Variants in MCF2L observed in about 807,000 individuals in gnomAD.
MCF2L encodes MCF.2 cell line derived transforming sequence like.
MCF2L carries 97 observed loss-of-function variants against 153.4 expected under a neutral mutation model. The ratio of observed to expected loss-of-function variants is 0.63; its 90% CI spans 0.54 to 0.75. The LOEUF is 0.75. Ranked by LOEUF, MCF2L falls within the 30% of genes least tolerant of loss-of-function variation. MCF2L has a pLI of 0.00. For synonymous variants in MCF2L, 659 were observed against 632.2 expected, an observed-to-expected ratio of 1.04 and a Z score of -0.64; for missense variants, 1,347 against 1,495.2, an observed-to-expected ratio of 0.90 and a Z score of 1.64.
In MCF2L at chr13:112,953,890, C is replaced by A. The variant is rs569555581; in HGVS notation, c.169+51519C>A. On this transcript the variant is annotated intron_variant, in intron 2 of 29. Transcript: ENST00000375608. ...CTGCCAGGGCCCTGCTGTGGGCACT[C>A]GCTGCCTCACCTCTCCTCCCCCTGC... 7.1e-4 allele frequency among the ~76,000 whole-genome samples: 108 copies of A among 152,314 alleles called. 1 individual carries two copies. The highest frequency in any genetic ancestry group is 5.2e-4 in the Admixed American group (8 of 15,300).
chr13:112,940,407 G>A (rs562660227), intron 2 of MCF2L, among the ~76,000 whole-genome samples: 1 of 152,330 alleles, frequency 6.6e-6, no homozygotes, highest in Admixed American at 6.5e-5. Context: ...AATTCCGGGG[G>A]CGCCAGGCAA....
intron 2 of MCF2L, chr13:112,909,139 C>A (rs185347886): frequency 1.3e-6 from 1 of 750,514 alleles, no homozygotes; most frequent in Non-Finnish European, 2.5e-6. Context: ...TCCTGCTTGC[C>A]TCATCCGCTT....
At chr13:112,976,880 C>T (rs2140874791) in intron 1 of MCF2L, among the ~76,000 whole-genome samples, 1 of 152,298 alleles carries the variant, frequency 6.6e-6, no homozygotes, top group Non-Finnish European at 1.5e-5. Flanking sequence ...TTGGGGTCGC[C>T]CAGTCGGACA....
At position 112,980,007 on chromosome 13, in the gene MCF2L, G is replaced by A. The variant is rs552992517; in HGVS notation, c.79+10549G>A. On this transcript the variant is annotated intron_variant, in intron 1 of 29. Transcript: ENST00000535094. Reference sequence around the variant, plus strand: ...CTGCAGTTCTGGAACCTGGGCTTACGAATTTCCGCTCCGATTGGAAAGACG... The same window carrying A: ...CTGCAGTTCTGGAACCTGGGCTTACAAATTTCCGCTCCGATTGGAAAGACG... 7.2e-5 allele frequency among the ~76,000 whole-genome samples: 11 copies of A among 152,314 alleles called. No individual in the cohort carries two copies. The South Asian group carries it at 1.5e-3, about 20-fold the overall frequency.
intron 1 of MCF2L, chr13:113,001,201 C>T (rs577875453): frequency 2.6e-5 from 4 of 152,082 alleles, no homozygotes; most frequent in South Asian, 4.2e-4. Flanking sequence ...GAGAGGCAGC[C>T]GGGAGCCTGC....
rs760644250 is a variant in MCF2L at position 113,070,201 on chromosome 13, C to G, written c.996+28C>G. The G allele has an allele frequency of 2.0e-5, 30 of 1,482,028 alleles. 1 individual carries two copies. The South Asian group carries it at 3.6e-4, about 18-fold the overall frequency. The allele number at this position is 1,482,028 out of a possible 1,614,324, so 91.8% of individuals were successfully genotyped here. ...GAGTGGCCCTGGGTGGAGCCGGCAG[C>G]CGCCCTGATGCTCACGGGGCCTCCT... is the stretch of plus-strand genomic sequence containing the variant. On this transcript the variant is annotated intron_variant, in intron 9 of 29. Coordinates refer to ENST00000535094, the MANE Select transcript of MCF2L (RefSeq NM_001112732.3). This position sits in a 1 kb window ranked among gnomAD's most constrained non-coding sequence, Gnocchi z 5.6.
chr13:113,080,801 C>T (rs556728148), intron 15 of MCF2L, among the ~76,000 whole-genome samples: 5 of 152,188 alleles, frequency 3.3e-5, no homozygotes, highest in Non-Finnish European at 4.4e-5. Flanking sequence ...GGGCAGCAGG[C>T]GGGCGTCTTC....
At chr13:112,964,941 C>A (rs1358011206), upstream of MCF2L, 1 of 152,208 alleles carries the variant, frequency 6.6e-6, no homozygotes, top group Non-Finnish European at 1.5e-5. Context: ...TCATGCATCA[C>A]AACGTAATGG....
intron 1 of MCF2L, among the ~76,000 whole-genome samples, chr13:112,988,813 G>C (rs2082763586): frequency 1.7e-5 from 1 of 59,704 alleles, no homozygotes. Context: ...CTACGACACT[G>C]GAGTCCTCCC....
upstream of MCF2L, chr13:112,966,049 C>T (rs1426424728): frequency 2.0e-5 from 3 of 152,216 alleles, no homozygotes; most frequent in Non-Finnish European, 4.4e-5. This position sits in a 1 kb window ranked among gnomAD's most constrained non-coding sequence, Gnocchi z 4.1. Flanking sequence ...TTCTGTAAAA[C>T]GCGAAAAACA....
At chr13:113,048,685 G>T (rs181518186) in intron 4 of MCF2L, among the ~76,000 whole-genome samples, 8 of 151,944 alleles carry the variant, frequency 5.3e-5, no homozygotes, top group African/African-American at 1.9e-4. Flanking sequence ...CTCGTGATCC[G>T]CCTGCCTCGG....
In MCF2L at chr13:112,913,987, C is replaced by T. The variant is rs192645326; in HGVS notation, c.169+11616C>T. On this transcript the variant is annotated intron_variant, in intron 2 of 29. Transcript: ENST00000375608. Reference sequence around the variant, plus strand: ...TGCACCTCGAGTCCAGACTCCTTAGCGTTGCGTTGGGACGTAATTCCCCGT... The same window carrying T: ...TGCACCTCGAGTCCAGACTCCTTAGTGTTGCGTTGGGACGTAATTCCCCGT... Among the ~76,000 whole-genome samples the T allele has an allele frequency of 1.1e-3, 166 of 152,306 alleles. 4 individuals carry two copies. Among genetic ancestry groups the T allele is most frequent in the Non-Finnish European group, 2.4e-4 (16 of 68,034 alleles).
At chr13:112,940,827 A>T (rs1335858493) in intron 2 of MCF2L, among the ~76,000 whole-genome samples, 1 of 152,088 alleles carries the variant, frequency 6.6e-6, no homozygotes, top group Non-Finnish European at 1.5e-5. Context: ...AAAAAATCAC[A>T]TCTTCATGGG....
intron 7 of MCF2L, among the ~76,000 whole-genome samples, chr13:113,065,510 G>A (rs1395417254): frequency 2.6e-5 from 4 of 152,258 alleles, no homozygotes; most frequent in South Asian, 4.1e-4. Flanking sequence ...CCGAGCAGGC[G>A]ATGAAGTGGC....
chr13:112,990,007 C>G (rs543191072), intron 1 of MCF2L, among the ~76,000 whole-genome samples: 2 of 152,230 alleles, frequency 1.3e-5, no homozygotes, highest in Non-Finnish European at 2.9e-5. Flanking sequence ...GAGAATCAAA[C>G]GCCACTGCTG....
In MCF2L at chr13:112,919,205, A is replaced by ATTTTTTTTT. The variant is rs11431408; in HGVS notation, c.169+16844_169+16852dup. Among the ~76,000 whole-genome samples the ATTTTTTTTT allele has an allele frequency of 1.6e-5, 2 of 125,666 alleles. 1 individual carries two copies. Among genetic ancestry groups the ATTTTTTTTT allele is most frequent in the Non-Finnish European group, 3.2e-5 (2 of 62,582 alleles). 82.4% of individuals were successfully genotyped at this position (125,666 alleles called of 152,430 possible). On this transcript the variant is annotated intron_variant, in intron 2 of 29. Transcript: ENST00000375608. The stretch of plus-strand genomic sequence containing the variant: ...AAAAGACTATCAGGTAAGAATTTGC[A>ATTTTTTTTT]TTTTTTTTTTTTTTTTTTGAGACGG...
intron 2 of MCF2L, among the ~76,000 whole-genome samples, chr13:112,923,291 T>G (rs2081371492): frequency 7.7e-6 from 1 of 130,534 alleles, no homozygotes. Flanking sequence ...TGAGACGGAG[T>G]CTTGCTCTGT....
At chr13:112,936,812 TA>T (rs1157458809) in intron 2 of MCF2L, among the ~76,000 whole-genome samples, 11 of 152,328 alleles carry the variant, frequency 7.2e-5, no homozygotes, top group African/African-American at 2.6e-4. Context: ...CATTCCCTCG[TA>T]GACTTTAAAT....
At chr13:113,037,905 T>C (rs1365356122) in intron 3 of MCF2L, among the ~76,000 whole-genome samples, 1 of 152,154 alleles carries the variant, frequency 6.6e-6, no homozygotes, top group Non-Finnish European at 1.5e-5. Flanking sequence ...TTGTAGACAA[T>C]GTGGTTGTGT....
Sources: gnomAD v4.1 joint callset for allele counts (sites outside exome capture counted in the v4.1 genomes callset) on GRCh38, gnomAD v4.1.1 for gene constraint, Gnocchi (gnomAD v3.1) non-coding constraint, MANE v1.5 for transcripts, NCBI Gene and HGNC (gene_info 2026-07-23, HGNC 2026-07-21) for gene names.